The following RBM26 variants were observed in gnomAD, a reference collection of about 807,000 sequenced individuals.
RBM26 encodes RNA binding motif protein 26, also known as RNA-binding protein 26.
In RBM26, 30 loss-of-function variants were observed where a neutral mutation model predicts 123.6. The observed-to-expected ratio is 0.24, with a 90% CI of 0.18 to 0.33. RBM26 has a LOEUF of 0.33. RBM26 is among the 10% of genes least tolerant of loss of function. The probability of loss-of-function intolerance (pLI) is 1.00; values close to 1 mark genes in which losing one functional copy is unlikely to be tolerated. For missense variants in RBM26, 947 were observed against 1,203.6 expected (o/e 0.79, Z 3.15); for synonymous variants, 400 against 404.4 (o/e 0.99, Z 0.13).
At chr13:79,391,433 T>C (rs2077975200) in intron 1 of RBM26, among the ~76,000 whole-genome samples, 1 of 152,190 alleles carries the variant, frequency 6.6e-6, no homozygotes, top group Non-Finnish European at 1.5e-5. Context: ...TTTTTGTGTG[T>C]GTGTTTTTTT....
At chr13:79,348,939 T>A (rs932081946) in intron 14 of RBM26, among the ~76,000 whole-genome samples, 1 of 152,220 alleles carries the variant, frequency 6.6e-6, no homozygotes, top group African/African-American at 2.4e-5. Context: ...ATTCTTTTAA[T>A]TGACAAAAAC....
chr13:79,372,360 A>T (rs1394042002), intron 3 of RBM26, among the ~76,000 whole-genome samples: 1 of 152,176 alleles, frequency 6.6e-6, no homozygotes, highest in Non-Finnish European at 1.5e-5. Flanking sequence ...TTTAATTAAC[A>T]TTAAATAAAA....
chr13:79,368,391 A>G (rs781763172), intron 6 of RBM26, among the ~76,000 whole-genome samples: 2 of 152,184 alleles, frequency 1.3e-5, no homozygotes, highest in African/African-American at 2.4e-5. Context: ...ATACATTTCT[A>G]TTTACAGTCC....
Position 79,320,116 on chromosome 13 carries a change from AACAAAAGGCTAAT to A in RBM26, c.*492_*504del. The A allele has an allele frequency of 1.0e-6, 1 of 972,318 alleles. No homozygotes were observed. Among genetic ancestry groups the A allele is most frequent in the Non-Finnish European group, 1.2e-6 (1 of 818,232 alleles). The allele number at this position is 972,318 out of a possible 1,614,324, so 60.2% of individuals were successfully genotyped here. A position where few individuals can be genotyped will look rare whatever the true frequency, so the allele number is the denominator to read the frequency against. On this transcript the variant is annotated 3_prime_UTR_variant, in exon 22 of 22. Coordinates refer to ENST00000438737, the MANE Select transcript of RBM26 (RefSeq NM_001366735.2). ...ATATGGTAAAATACATACACAGTCCAACAAAAGGCTAATACATAGTAAAGCCTAAGCATACTAC... is the reference window on the plus strand; with the variant it reads ...ATATGGTAAAATACATACACAGTCCAACATAGTAAAGCCTAAGCATACTAC...
At chr13:79,328,683 TAA>T (rs747906560) in intron 20 of RBM26, among the ~76,000 whole-genome samples, 3 of 38,476 alleles carry the variant, frequency 7.8e-5, no homozygotes, top group Admixed American at 3.1e-4. Context: ...CTGCATTAAG[TAA>T]AAAAAAAAAA....
At position 79,342,695 on chromosome 13, in the gene RBM26, C is replaced by T. The variant is rs755764200; in HGVS notation, c.2396G>A (p.Cys799Tyr). Residue 799 changes from cysteine to tyrosine, a missense_variant, in exon 17 of 22, where the codon TGT becomes TAT. By Grantham distance (194) the Cys-to-Tyr change is radical (BLOSUM62 -2). Coordinates refer to ENST00000438737, the MANE Select transcript of RBM26 (RefSeq NM_001366735.2). The part of the protein sequence containing the change: ...DEVKAASPGR[C>Y]LPKSIKTKTQ... ...CTTGGTTTTTATACTTTTTGGAAGA[C>T]AGCGTCCAGGAGAAGCAGCTTTGAC... 1.2e-6 allele frequency: 2 copies of T among 1,608,828 alleles called. No individual in the cohort carries two copies. Among genetic ancestry groups the T allele is most frequent in the Admixed American group, 1.7e-5 (1 of 58,996 alleles).
intron 9 of RBM26, among the ~76,000 whole-genome samples, chr13:79,365,288 T>C (rs1003683566): frequency 6.6e-6 from 1 of 151,848 alleles, no homozygotes; most frequent in African/African-American, 2.4e-5. Flanking sequence ...CTACTAAAAA[T>C]ACAAAAACTA....
intron 3 of RBM26, 86 bp downstream of exon 3, chr13:79,377,293 C>A: frequency 1.6e-6 from 2 of 1,214,676 alleles, no homozygotes; most frequent in South Asian, 1.3e-5. Context: ...AGGACTCCAA[C>A]ACAAAGATAT....
intron 1 of RBM26, among the ~76,000 whole-genome samples, chr13:79,403,936 C>A (rs2079276738): frequency 6.6e-6 from 1 of 152,188 alleles, no homozygotes; most frequent in Non-Finnish European, 1.5e-5. Flanking sequence ...TTGCCATACA[C>A]TTGTTTTTTA....
At chr13:79,395,761 C>G (rs539266790) in intron 1 of RBM26, among the ~76,000 whole-genome samples, 1 of 151,022 alleles carries the variant, frequency 6.6e-6, no homozygotes, top group Non-Finnish European at 1.5e-5. Flanking sequence ...AACAAACAAA[C>G]AAAAAAATGG....
intron 6 of RBM26, among the ~76,000 whole-genome samples, chr13:79,368,479 T>TA (rs1288297618): frequency 1.3e-5 from 2 of 152,240 alleles, no homozygotes; most frequent in Non-Finnish European, 2.9e-5. Context: ...ACTCAGTAGA[T>TA]ATTTACTCAT....
chr13:79,354,468 C>T lies in RBM26; in HGVS notation c.1957G>A (p.Ala653Thr). ...GGAAGGTCTGAAGAGGCACTCTGGGCTTCTGCAGGTTCAATAGTACTTGAA... is the reference window on the plus strand; with the variant it reads ...GGAAGGTCTGAAGAGGCACTCTGGGTTTCTGCAGGTTCAATAGTACTTGAA... ...VPSSTIEPAEAQSASSDLPQN... is the reference protein window; with the variant it reads ...VPSSTIEPAETQSASSDLPQN... Residue 653 changes from alanine to threonine, a missense_variant, in exon 13 of 22, where the codon GCC (alanine) becomes ACC (threonine). By Grantham distance (58) the Ala-to-Thr change is moderately conservative (BLOSUM62 0). Coordinates refer to ENST00000438737, the MANE Select transcript of RBM26 (RefSeq NM_001366735.2). The T allele has an allele frequency of 6.3e-7, 1 of 1,598,830 alleles. No homozygotes were observed. Among genetic ancestry groups the T allele is most frequent in the Non-Finnish European group, 8.5e-7 (1 of 1,169,920 alleles).
rs2072047412 is a variant in RBM26 at position 79,344,883 on chromosome 13, T to C, written c.2059-89A>G. 2.4e-6 allele frequency: 3 copies of C among 1,254,300 alleles called. No homozygotes were observed. In the Admixed American group the frequency reaches 6.8e-5, roughly 28 times the overall value. 77.7% of individuals were successfully genotyped at this position (1,254,300 alleles called of 1,614,324 possible). A position where few individuals can be genotyped will look rare whatever the true frequency, so the allele number is the denominator to read the frequency against. ...AAGACTCAACTTTAAAGCACTACTGTTAAACTTCAGCTTCAAAACACACTG... is the reference window on the plus strand; with the variant it reads ...AAGACTCAACTTTAAAGCACTACTGCTAAACTTCAGCTTCAAAACACACTG... On this transcript the variant is annotated intron_variant, in intron 14 of 21. Coordinates refer to ENST00000438737, the MANE Select transcript of RBM26 (RefSeq NM_001366735.2).
Position 79,320,289 on chromosome 13 carries a change from AT to A in RBM26, c.*331del. ...GGAATAAAACAAAGTCCTCTAAGTT[AT>A]AACAAGTATTGGTCATAAGTTTTCA... On this transcript the variant is annotated 3_prime_UTR_variant, in exon 22 of 22. Coordinates refer to ENST00000438737, the MANE Select transcript of RBM26 (RefSeq NM_001366735.2). 1 of 991,152 alleles carries A rather than the reference AT, an allele frequency of 1.0e-6. No individual in the cohort carries two copies. The highest frequency in any genetic ancestry group is 1.2e-6 in the Non-Finnish European group (1 of 830,804). 61.4% of individuals were successfully genotyped at this position (991,152 alleles called of 1,614,324 possible). A position where few individuals can be genotyped will look rare whatever the true frequency, so the allele number is the denominator to read the frequency against.
chr13:79,362,419 T>C (rs1429427461), intron 9 of RBM26, among the ~76,000 whole-genome samples: 1 of 152,170 alleles, frequency 6.6e-6, no homozygotes, highest in Non-Finnish European at 1.5e-5. Flanking sequence ...TGCTTTTAAT[T>C]AGCCTCTTAC....
intron 3 of RBM26, chr13:79,376,097 T>C (rs1196646739): frequency 6.6e-6 from 1 of 152,276 alleles, no homozygotes; most frequent in African/African-American, 2.4e-5. Context: ...CAGTGATTTG[T>C]AGAACCAAAA....
intron 17 of RBM26, among the ~76,000 whole-genome samples, chr13:79,342,460 G>A (rs2071566625): frequency 6.6e-6 from 1 of 151,740 alleles, no homozygotes; most frequent in Admixed American, 6.6e-5. Context: ...TTTCTAATTA[G>A]TGACTTTCCA....
In RBM26 at chr13:79,369,814, T is replaced by C. The variant is rs548294253; in HGVS notation, c.635-824A>G. On this transcript the variant is annotated intron_variant, in intron 5 of 21. Coordinates refer to ENST00000438737, the MANE Select transcript of RBM26 (RefSeq NM_001366735.2). Reference sequence around the variant, plus strand: ...GTTTTGAAGTATAACTGATATATAATAAACTGAACATATTTAAACTGTATA... The same window carrying C: ...GTTTTGAAGTATAACTGATATATAACAAACTGAACATATTTAAACTGTATA... Among the ~76,000 whole-genome samples, 8 of 152,322 alleles carry C rather than the reference T, an allele frequency of 5.3e-5. 1 individual carries two copies. In the South Asian group the frequency reaches 1.7e-3, roughly 32 times the overall value.
rs139311339 is a variant in RBM26 at position 79,364,034 on chromosome 13, T to C, written c.1417+1544A>G. On this transcript the variant is annotated intron_variant, in intron 9 of 21. Coordinates refer to ENST00000438737, the MANE Select transcript of RBM26 (RefSeq NM_001366735.2). ...CCAGGTGGGAGACAGGTTCAGGATA[T>C]AGGTAAACATCACACAACAGTTAAA... 5.7e-3 allele frequency among the ~76,000 whole-genome samples: 862 copies of C among 152,274 alleles called. 6 individuals carry two copies. The highest frequency in any genetic ancestry group is 0.019 in the African/African-American group (808 of 41,562).
Sources: gnomAD v4.1 joint callset for allele counts (sites outside exome capture counted in the v4.1 genomes callset) on GRCh38, gnomAD v4.1.1 for gene constraint, MANE v1.5 for transcripts, NCBI Gene and HGNC (gene_info 2026-07-23, HGNC 2026-07-21) for gene names.